The following CD38 variants were observed in gnomAD, a reference collection of about 807,000 sequenced individuals.
The protein encoded by CD38 is ADP-ribosyl cyclase/cyclic ADP-ribose hydrolase 1.
CD38 carries 31 observed loss-of-function variants against 36.3 expected under a neutral mutation model. That is an observed-to-expected ratio of 0.85 (90% CI 0.64 to 1.15). CD38 has a LOEUF of 1.15. Among genes scored for constraint, CD38 ranks in the 50% most tolerant of loss-of-function variants. The probability of loss-of-function intolerance (pLI) is 0.00; values close to 1 mark genes in which losing one functional copy is unlikely to be tolerated. For missense variants in CD38, 380 were observed against 371.9 expected (o/e 1.02, Z -0.18); for synonymous variants, 131 against 135.2 (o/e 0.97, Z 0.22).
chr4:15,820,467 T>C (rs1473304386), intron 2 of CD38, among the ~76,000 whole-genome samples: 1 of 152,024 alleles, frequency 6.6e-6, no homozygotes, highest in Non-Finnish European at 1.5e-5. Flanking sequence ...AAGACACACA[T>C]AGGCTCAAAA....
At chr4:15,840,228 A>G in intron 6 of CD38, 110 bp downstream of exon 6, 2 of 799,494 alleles carry the variant, frequency 2.5e-6, no homozygotes, top group Non-Finnish European at 4.4e-6. Flanking sequence ...ATGAAACTAC[A>G]TGAATGTGCA....
chr4:15,794,099 A>G (rs1211544641), intron 1 of CD38, among the ~76,000 whole-genome samples: 2 of 152,074 alleles, frequency 1.3e-5, no homozygotes, highest in African/African-American at 2.4e-5. Context: ...TAAATTGAGC[A>G]CTCTTCTGAG....
chr4:15,836,321 G>A (rs560832282), intron 4 of CD38, among the ~76,000 whole-genome samples: 1 of 152,180 alleles, frequency 6.6e-6, no homozygotes, highest in Non-Finnish European at 1.5e-5. Flanking sequence ...AAGGAACCTA[G>A]CTAGTTCCCT....
intron 1 of CD38, among the ~76,000 whole-genome samples, chr4:15,795,662 G>A (rs984046597): frequency 3.9e-5 from 6 of 151,984 alleles, no homozygotes; most frequent in African/African-American, 1.4e-4. Flanking sequence ...TTAAGTGGAC[G>A]GCCTCAGCAT....
At chr4:15,784,846 A>G (rs1722776120) in intron 1 of CD38, among the ~76,000 whole-genome samples, 2 of 152,116 alleles carry the variant, frequency 1.3e-5, no homozygotes, top group Admixed American at 1.3e-4. Context: ...TGACGAGGTC[A>G]GGGGATTGAG....
chr4:15,821,819 C>T (rs1271019975), intron 2 of CD38, among the ~76,000 whole-genome samples: 1 of 151,660 alleles, frequency 6.6e-6, no homozygotes, highest in Non-Finnish European at 1.5e-5. Context: ...AAGGACTCCT[C>T]CCTAACTCAT....
chr4:15,787,204 G>A (rs1411031435), intron 1 of CD38, among the ~76,000 whole-genome samples: 6 of 152,274 alleles, frequency 3.9e-5, no homozygotes, highest in East Asian at 1.9e-4. Context: ...GAGTGGGCGC[G>A]CAGAGGCCGG....
intron 2 of CD38, among the ~76,000 whole-genome samples, chr4:15,817,896 G>T (rs1252644365): frequency 6.6e-6 from 1 of 152,068 alleles, no homozygotes; most frequent in African/African-American, 2.4e-5. Context: ...ACACCACCAG[G>T]GCCCTGGGTT....
intron 1 of CD38, among the ~76,000 whole-genome samples, chr4:15,801,251 T>G (rs541116142): frequency 1.3e-5 from 2 of 151,750 alleles, no homozygotes; most frequent in South Asian, 4.2e-4. Flanking sequence ...AATAGACCAA[T>G]AACAATTATT....
chr4:15,835,499 T>A lies in CD38; in HGVS notation c.585+1197T>A, dbSNP rs1292375743. On this transcript the variant is annotated intron_variant, in intron 4 of 7. Transcript: ENST00000226279. ...TTCAAGCGATTCTCCTACCTCAGCC[T>A]CCCCAGTAGCTGGGACTGCAGGTGT... 2.8e-5 allele frequency among the ~76,000 whole-genome samples: 4 copies of A among 142,112 alleles called. No homozygotes were observed. The East Asian group carries it at 9.4e-4, about 33-fold the overall frequency. 93.2% of individuals were successfully genotyped at this position (142,112 alleles called of 152,430 possible).
chr4:15,812,081 T>G (rs1209229851), intron 1 of CD38, among the ~76,000 whole-genome samples: 1 of 152,184 alleles, frequency 6.6e-6, no homozygotes, highest in African/African-American at 2.4e-5. Context: ...ACTTAACAAC[T>G]TTTTGACTTT....
At chr4:15,786,686 A>G (rs1722840087) in intron 1 of CD38, among the ~76,000 whole-genome samples, 1 of 152,232 alleles carries the variant, frequency 6.6e-6, no homozygotes, top group African/African-American at 2.4e-5. Flanking sequence ...CCGATTGTGC[A>G]CCAAGTCAGC....
In CD38 at chr4:15,803,656, T is replaced by G. The variant is rs147313015; in HGVS notation, c.234-12855T>G. On this transcript the variant is annotated intron_variant, in intron 1 of 7. Coordinates refer to ENST00000226279, the MANE Select transcript of CD38 (RefSeq NM_001775.4). ...AGCAAGAATGCAGATAAAAGGAAAC[T>G]TAAAACATTTCAGCTTTTACTTTAG... 3.6e-3 allele frequency among the ~76,000 whole-genome samples: 551 copies of G among 152,222 alleles called. 1 individual carries two copies. The highest frequency in any genetic ancestry group is 6.4e-3 in the Non-Finnish European group (438 of 68,000).
chr4:15,818,696 G>T (rs1450509098), intron 2 of CD38, among the ~76,000 whole-genome samples: 2 of 152,190 alleles, frequency 1.3e-5, no homozygotes, highest in Non-Finnish European at 2.9e-5. Flanking sequence ...CTCCACTCGT[G>T]ATACCTTCAG....
intron 4 of CD38, among the ~76,000 whole-genome samples, chr4:15,835,672 C>A (rs576992450): frequency 7.9e-5 from 12 of 151,980 alleles, no homozygotes; most frequent in Non-Finnish European, 1.5e-4. Context: ...GCCACCATGC[C>A]CGGCTAATTT....
At chr4:15,794,640 A>G (rs1023033731) in intron 1 of CD38, among the ~76,000 whole-genome samples, 3 of 152,174 alleles carry the variant, frequency 2.0e-5, no homozygotes, top group Non-Finnish European at 4.4e-5. Context: ...ATTCAAGAAA[A>G]AAACAGAAGA....
At chr4:15,847,257 TAGG>T (rs1335496346) in intron 7 of CD38, among the ~76,000 whole-genome samples, 1 of 2,588 alleles carries the variant, frequency 3.9e-4, no homozygotes. Flanking sequence ...ATATCCTTTG[TAGG>T]GACATGGATG....
intron 1 of CD38, among the ~76,000 whole-genome samples, chr4:15,803,967 G>T (rs1218913740): frequency 2.0e-5 from 3 of 152,126 alleles, no homozygotes; most frequent in Non-Finnish European, 4.4e-5. Context: ...TCATGTTGCT[G>T]CAAAATACAT....
intron 1 of CD38, 51 bp from the exon 2 acceptor site, chr4:15,816,460 A>G: frequency 6.9e-7 from 1 of 1,457,616 alleles, no homozygotes; most frequent in East Asian, 2.5e-5. Flanking sequence ...TGCTCCAAAA[A>G]TATTTTTAAA....
Sources: allele counts gnomAD v4.1 joint callset (sites outside exome capture counted in the v4.1 genomes callset), GRCh38; gene constraint gnomAD v4.1.1; transcripts MANE v1.5; gene names NCBI Gene and HGNC (gene_info 2026-07-23, HGNC 2026-07-21).